Variants in HEATR6 observed in about 807,000 individuals in gnomAD.
The protein encoded by HEATR6 is HEAT repeat containing 6.
Under a neutral mutation model 132.8 loss-of-function variants are expected in HEATR6, and 106 were observed. The ratio of observed to expected loss-of-function variants is 0.80; its 90% CI spans 0.68 to 0.94. The LOEUF (loss-of-function observed/expected upper bound fraction) is 0.94. Among genes scored for constraint, HEATR6 ranks in the 40% least tolerant of loss-of-function variants. The pLI, the probability that HEATR6 is intolerant of heterozygous loss-of-function variation, is 0.00. For synonymous variants in HEATR6, 529 were observed against 537.8 expected, an observed-to-expected ratio of 0.98 and a Z score of 0.23; for missense variants, 1,339 against 1,425.1, an observed-to-expected ratio of 0.94 and a Z score of 0.97.
chr17:60,070,065 C>T lies in HEATR6; in HGVS notation c.802-217G>A, dbSNP rs1470348162. ...GAGCTGAAGTTTATCTGGCCTCCAGCTGGATTTGGTTTGGTCAGATCAAAT... is the reference window on the plus strand; with the variant it reads ...GAGCTGAAGTTTATCTGGCCTCCAGTTGGATTTGGTTTGGTCAGATCAAAT... On this transcript the variant is annotated intron_variant, in intron 6 of 19. Coordinates refer to ENST00000184956, the MANE Select transcript of HEATR6 (RefSeq NM_022070.5). Among the ~76,000 whole-genome samples the T allele has an allele frequency of 4.6e-5, 7 of 152,308 alleles. 1 individual carries two copies. In the South Asian group the frequency reaches 1.2e-3, roughly 27 times the overall value.
intron 14 of HEATR6, among the ~76,000 whole-genome samples, chr17:60,052,424 C>CT (rs962684179): frequency 2.1e-4 from 32 of 150,498 alleles, no homozygotes; most frequent in East Asian, 1.4e-3. Context: ...GAAAACATGA[C>CT]TTTTTTTTTT....
chr17:60,075,911 A>G, intron 2 of HEATR6: 1 of 357,618 alleles, frequency 2.8e-6, no homozygotes, highest in Non-Finnish European at 5.0e-6. Flanking sequence ...AACCAAACAG[A>G]AAGGCATACT....
intron 13 of HEATR6, among the ~76,000 whole-genome samples, 186 bp from the exon 14 acceptor site, chr17:60,055,787 G>T (rs1347495299): frequency 6.6e-6 from 1 of 152,212 alleles, no homozygotes; most frequent in Non-Finnish European, 1.5e-5. Context: ...TGAGTTTGGA[G>T]ATCGCCTCAA....
In HEATR6 at chr17:60,043,663, G is replaced by T; in HGVS notation, c.3446C>A (p.Thr1149Lys). 6.2e-7 allele frequency: 1 copy of T among 1,614,186 alleles called. No homozygotes were observed. The highest frequency in any genetic ancestry group is 8.5e-7 in the Non-Finnish European group (1 of 1,180,040). ...AAAGCCCATGATGGCCCTTCTGGCT[G>T]TGTCTCCAGTTGGTGCCTGGATGCT... ...MGSIQAPTGD[T>K]ARRAIMGFLE... The change falls in exon 20 of 20, where the codon ACA becomes AAA. Residue 1149 changes from threonine (T) to lysine (K), a missense_variant. Transcript: ENST00000184956.
At chr17:60,074,162 G>T (rs2083285317) in intron 2 of HEATR6, 1 of 1,153,368 alleles carries the variant, frequency 8.7e-7, no homozygotes, top group East Asian at 4.6e-5. Context: ...ATTGGCAGCT[G>T]TGAATACACA....
chr17:60,062,597 T>G (rs765205568), intron 9 of HEATR6, among the ~76,000 whole-genome samples: 1 of 151,996 alleles, frequency 6.6e-6, no homozygotes, highest in Non-Finnish European at 1.5e-5. Flanking sequence ...CTGCTGGGAG[T>G]AGGTACATTG....
At chr17:60,075,936 T>G (rs1253377507) in intron 2 of HEATR6, 194 bp downstream of exon 2, 6 of 421,876 alleles carry the variant, frequency 1.4e-5, no homozygotes, top group Non-Finnish European at 2.5e-5. Context: ...ATAAACAAAC[T>G]TCTAGAATTC....
At chr17:60,054,198 T>G (rs1456505896) in intron 14 of HEATR6, among the ~76,000 whole-genome samples, 1 of 152,256 alleles carries the variant, frequency 6.6e-6, no homozygotes, top group African/African-American at 2.4e-5. Flanking sequence ...CTCGGTTTTC[T>G]GCTTAGTGGG....
intron 16 of HEATR6, among the ~76,000 whole-genome samples, chr17:60,048,972 C>CGTGT (rs1906466377): frequency 2.7e-4 from 16 of 59,524 alleles, no homozygotes; most frequent in African/African-American, 2.6e-3. Flanking sequence ...AAATAAATAA[C>CGTGT]ATATATATAT....
chr17:60,049,101 TAGAG>T (rs563740738), intron 16 of HEATR6, among the ~76,000 whole-genome samples: 5 of 141,090 alleles, frequency 3.5e-5, no homozygotes, highest in East Asian at 4.1e-4. Flanking sequence ...TATATATATG[TAGAG>T]AGAGAGAGAG....
intron 8 of HEATR6, 28 bp downstream of exon 8, chr17:60,067,406 G>T: frequency 2.0e-6 from 3 of 1,470,502 alleles, no homozygotes; most frequent in Admixed American, 4.8e-5. Context: ...AGAATACAAG[G>T]TATAAAAATG....
intron 5 of HEATR6, among the ~76,000 whole-genome samples, 187 bp downstream of exon 5, chr17:60,072,028 A>G (rs1386628993): frequency 6.6e-6 from 1 of 152,246 alleles, no homozygotes; most frequent in Non-Finnish European, 1.5e-5. Context: ...AAATATAACA[A>G]ATAAAAAGCT....
At position 60,047,424 on chromosome 17, in the gene HEATR6, A is replaced by G; in HGVS notation, c.2673-19T>C. On this transcript the variant is annotated intron_variant, in intron 17 of 19. Transcript: ENST00000184956. The stretch of plus-strand genomic sequence containing the variant: ...TGTTTCCCTGTTCCACCCAAAGCAG[A>G]CAACACATGTTAAAAGGTAAATACA... 6.7e-7 allele frequency: 1 copy of G among 1,496,092 alleles called. No individual in the cohort carries two copies. 92.7% of individuals were successfully genotyped at this position (1,496,092 alleles called of 1,614,324 possible).
chr17:60,058,041 G>A (rs1906811406), intron 11 of HEATR6, among the ~76,000 whole-genome samples: 1 of 152,158 alleles, frequency 6.6e-6, no homozygotes, highest in Admixed American at 6.5e-5. Flanking sequence ...TGAGGTCAGG[G>A]AATGTCAGTC....
At chr17:60,067,911 G>A (rs375891307) in intron 7 of HEATR6, among the ~76,000 whole-genome samples, 179 bp from the exon 8 acceptor site, 164 of 152,364 alleles carry the variant, frequency 1.1e-3, no homozygotes, top group African/African-American at 3.6e-3. Flanking sequence ...CAGGCATGAT[G>A]CTAAGTGCTT....
chr17:60,054,492 A>G (rs1281143595), intron 14 of HEATR6, among the ~76,000 whole-genome samples: 1 of 152,248 alleles, frequency 6.6e-6, no homozygotes, highest in Non-Finnish European at 1.5e-5. Flanking sequence ...GCAAAGCCAG[A>G]AGGGCAAGGC....
chr17:60,064,694 C>T (rs968093750), intron 9 of HEATR6: 1 of 151,788 alleles, frequency 6.6e-6, no homozygotes, highest in African/African-American at 2.4e-5. Context: ...CTCTTGCATT[C>T]ACCAAAGTTA....
At chr17:60,077,580 T>C (rs1479679051) in intron 1 of HEATR6, among the ~76,000 whole-genome samples, 1 of 152,220 alleles carries the variant, frequency 6.6e-6, no homozygotes, top group Non-Finnish European at 1.5e-5. Context: ...TTAAAATCCC[T>C]CCTCCAGCTT....
intron 14 of HEATR6, among the ~76,000 whole-genome samples, chr17:60,053,937 C>T (rs1258093798): frequency 6.6e-6 from 1 of 152,214 alleles, no homozygotes; most frequent in Non-Finnish European, 1.5e-5. Flanking sequence ...AGAAGGAATC[C>T]AAGCTCGGAG....
Sources: allele counts gnomAD v4.1 joint callset (sites outside exome capture counted in the v4.1 genomes callset), GRCh38; gene constraint gnomAD v4.1.1; transcripts MANE v1.5; gene names NCBI Gene and HGNC (gene_info 2026-07-23, HGNC 2026-07-21).